The following NALF1 variants were observed in gnomAD, a reference collection of about 807,000 sequenced individuals.
NALF1 encodes the protein NALCN channel auxiliary factor 1.
NALF1 carries 3 observed loss-of-function variants against 48.4 expected under a neutral mutation model. The observed-to-expected ratio is 0.06, with a 90% CI of 0.03 to 0.16. The LOEUF (loss-of-function observed/expected upper bound fraction) is 0.16. Among genes scored for constraint, NALF1 ranks in the 10% least tolerant of loss-of-function variants. The pLI, the probability that NALF1 is intolerant of heterozygous loss-of-function variation, is 1.00. For synonymous variants in NALF1, 262 were observed against 245.7 expected, an observed-to-expected ratio of 1.07 and a Z score of -0.62; for missense variants, 526 against 571.5, an observed-to-expected ratio of 0.92 and a Z score of 0.81.
At chr13:107,206,004 C>T (rs1430874478) in intron 2 of NALF1, among the ~76,000 whole-genome samples, 1 of 152,084 alleles carries the variant, frequency 6.6e-6, no homozygotes, top group African/African-American at 2.4e-5. Context: ...CACCCCCTCA[C>T]TTTAAAGATG....
In NALF1 at chr13:107,447,101, C is replaced by T. The variant is rs564802720; in HGVS notation, c.916-236346G>A. 3.3e-5 allele frequency among the ~76,000 whole-genome samples: 5 copies of T among 152,240 alleles called. No homozygotes were observed. In the East Asian group the frequency reaches 5.8e-4, roughly 18 times the overall value. On this transcript the variant is annotated intron_variant, in intron 1 of 2. Transcript: ENST00000375915. The stretch of plus-strand genomic sequence containing the variant: ...CAGCCCTCACTAATGCTCTCTATTC[C>T]CTCTTCCAAGTTTGCTAAGCTGGTT...
chr13:107,376,951 A>G (rs1217749558), intron 1 of NALF1, among the ~76,000 whole-genome samples: 1 of 152,198 alleles, frequency 6.6e-6, no homozygotes, highest in East Asian at 1.9e-4. Context: ...GTTCAGCACA[A>G]TGATGGCTGT....
chr13:107,585,353 C>T (rs1444842489), intron 1 of NALF1, among the ~76,000 whole-genome samples: 1 of 147,628 alleles, frequency 6.8e-6, no homozygotes, highest in Non-Finnish European at 1.5e-5. Context: ...AACCCAAGTG[C>T]TTTCTCAGGA....
At chr13:107,548,074 G>C (rs1430142188) in intron 1 of NALF1, among the ~76,000 whole-genome samples, 2 of 151,932 alleles carry the variant, frequency 1.3e-5, no homozygotes, top group African/African-American at 4.8e-5. Context: ...TCATCACCCA[G>C]GTATGAAACC....
At chr13:107,734,273 A>C (rs1008513031) in intron 1 of NALF1, among the ~76,000 whole-genome samples, 2 of 152,050 alleles carry the variant, frequency 1.3e-5, no homozygotes, top group Non-Finnish European at 2.9e-5. Flanking sequence ...TTAATTATGC[A>C]CCTCATGCGG....
At chr13:107,284,218 G>A (rs1488924305) in intron 1 of NALF1, among the ~76,000 whole-genome samples, 1 of 152,066 alleles carries the variant, frequency 6.6e-6, no homozygotes, top group Non-Finnish European at 1.5e-5. Flanking sequence ...CCAGGGAAGG[G>A]CACATGCTTA....
At chr13:107,205,689 A>T in intron 2 of NALF1, among the ~76,000 whole-genome samples, 1 of 152,224 alleles carries the variant, frequency 6.6e-6, no homozygotes, top group Non-Finnish European at 1.5e-5. Context: ...CATTGTCAGT[A>T]ACCCCCAGCA....
chr13:107,546,600 A>G (rs557089803), intron 1 of NALF1, among the ~76,000 whole-genome samples: 9 of 152,126 alleles, frequency 5.9e-5, no homozygotes, highest in Admixed American at 2.6e-4. Flanking sequence ...ATATTTCTCT[A>G]TAAGGCAAGC....
intron 1 of NALF1, among the ~76,000 whole-genome samples, chr13:107,283,820 C>G (rs1262247840): frequency 6.6e-6 from 1 of 151,690 alleles, no homozygotes. Flanking sequence ...CCACTATGCC[C>G]GGCTAATTTT....
intron 1 of NALF1, among the ~76,000 whole-genome samples, chr13:107,632,800 G>T (rs1226127346): frequency 6.6e-6 from 1 of 151,386 alleles, no homozygotes; most frequent in African/African-American, 2.4e-5. Flanking sequence ...ATTTTGAAAT[G>T]AATGAGGGAA....
chr13:107,554,471 C>T (rs1877394079), intron 1 of NALF1, among the ~76,000 whole-genome samples: 1 of 152,100 alleles, frequency 6.6e-6, no homozygotes, highest in Admixed American at 6.5e-5. Context: ...GTGCCGCTGG[C>T]CAAGGAAAGA....
At chr13:107,174,955 C>CT (rs1278566686) in intron 2 of NALF1, among the ~76,000 whole-genome samples, 2 of 150,632 alleles carry the variant, frequency 1.3e-5, no homozygotes, top group African/African-American at 4.9e-5. Flanking sequence ...GCGATCTCGG[C>CT]TCACTGCAAG....
At chr13:107,513,619 T>G (rs917639775) in intron 1 of NALF1, among the ~76,000 whole-genome samples, 1 of 152,182 alleles carries the variant, frequency 6.6e-6, no homozygotes, top group Middle Eastern at 3.2e-3. Context: ...GCCTCAAGCC[T>G]AGATCAATGG....
chr13:107,271,799 TATATATA>T (rs1881175755), intron 1 of NALF1, among the ~76,000 whole-genome samples: 1 of 110,520 alleles, frequency 9.0e-6, no homozygotes, highest in African/African-American at 3.1e-5. Flanking sequence ...TATATATATA[TATATATA>T]TATATATATA....
At chr13:107,678,172 T>C (rs938003940) in intron 1 of NALF1, among the ~76,000 whole-genome samples, 43 of 152,204 alleles carry the variant, frequency 2.8e-4, no homozygotes, top group African/African-American at 9.9e-4. Flanking sequence ...TTGAAGTATT[T>C]ACTTTTAGCT....
rs562604424 is a variant in NALF1 at position 107,244,516 on chromosome 13, C to G, written c.916-33761G>C. On this transcript the variant is annotated intron_variant, in intron 1 of 2. Transcript: ENST00000375915. ...GAGTTTTCTGCAAGGGTAGATGTGT[C>G]TATTTTTCTGAAAGAAATCCTCTGT... Among the ~76,000 whole-genome samples, 3 of 152,324 alleles carry G rather than the reference C, an allele frequency of 2.0e-5. No individual in the cohort carries two copies. The East Asian group carries it at 5.8e-4, about 29-fold the overall frequency.
chr13:107,711,224 C>T (rs377313901), intron 1 of NALF1, among the ~76,000 whole-genome samples: 1 of 152,104 alleles, frequency 6.6e-6, no homozygotes, highest in Non-Finnish European at 1.5e-5. Flanking sequence ...GTTACCCACA[C>T]GTGCCAAAAG....
At chr13:107,537,832 A>G (rs1166288576) in intron 1 of NALF1, among the ~76,000 whole-genome samples, 2 of 152,142 alleles carry the variant, frequency 1.3e-5, no homozygotes, top group African/African-American at 4.8e-5. Flanking sequence ...AGCCTGGCCA[A>G]CATGGTGAAA....
At chr13:107,453,693 A>T (rs1385569696) in intron 1 of NALF1, among the ~76,000 whole-genome samples, 1 of 152,208 alleles carries the variant, frequency 6.6e-6, no homozygotes, top group Non-Finnish European at 1.5e-5. Context: ...GCCAGCTTGG[A>T]TTTCTCCTAA....
Sources: allele counts gnomAD v4.1 joint callset (sites outside exome capture counted in the v4.1 genomes callset), GRCh38; gene constraint gnomAD v4.1.1; transcripts MANE v1.5; gene names NCBI Gene and HGNC (gene_info 2026-07-23, HGNC 2026-07-21).